NCOA2: variants seen among roughly 807,000 people sequenced by gnomAD.
NCOA2 encodes the protein nuclear receptor coactivator 2.
In NCOA2, 21 loss-of-function variants were observed where a neutral mutation model predicts 145.1. The ratio of observed to expected loss-of-function variants is 0.14; its 90% confidence interval spans 0.10 to 0.21. The LOEUF is 0.21. Among genes scored for constraint, NCOA2 ranks in the 10% least tolerant of loss-of-function variants. NCOA2 has a pLI of 1.00. For missense variants in NCOA2, 1,472 were observed against 1,837.6 expected (o/e 0.80, Z 3.64); for synonymous variants, 619 against 637.5 (o/e 0.97, Z 0.44).
intron 2 of NCOA2, among the ~76,000 whole-genome samples, chr8:70,261,092 C>T (rs377738518): frequency 1.3e-5 from 2 of 152,176 alleles, no homozygotes; most frequent in Admixed American, 6.5e-5. Flanking sequence ...CCCAGCCATC[C>T]CATTACTGGG....
chr8:70,158,696 G>A (rs1478300179), intron 10 of NCOA2, among the ~76,000 whole-genome samples: 5 of 152,112 alleles, frequency 3.3e-5, no homozygotes, highest in Admixed American at 2.6e-4. Flanking sequence ...AGGTTGCAGT[G>A]AGCTGAGATC....
chr8:70,395,202 A>C (rs530463973), intron 1 of NCOA2, among the ~76,000 whole-genome samples: 43 of 152,356 alleles, frequency 2.8e-4, no homozygotes, highest in African/African-American at 1.0e-3. Context: ...AAGATGTGCA[A>C]AGGTTCATAC....
chr8:70,448,922 A>G, the NCOA2 span, among the ~76,000 whole-genome samples: 1 of 151,578 alleles, frequency 6.6e-6, no homozygotes, highest in Non-Finnish European at 1.5e-5. Context: ...CTCCCACCTT[A>G]GTCTCCTGAG....
intron 1 of NCOA2, among the ~76,000 whole-genome samples, chr8:70,390,603 G>GAA (rs34260654): frequency 1.4e-5 from 2 of 140,000 alleles, no homozygotes; most frequent in South Asian, 2.3e-4. Context: ...TCTCTATAGA[G>GAA]AAAAAAAAAA....
chr8:70,211,769 G>A (rs1819054557), intron 4 of NCOA2, among the ~76,000 whole-genome samples: 1 of 152,172 alleles, frequency 6.6e-6, no homozygotes, highest in South Asian at 2.1e-4. Context: ...CAGAGTAGTT[G>A]AGAACTTAAA....
intron 2 of NCOA2, among the ~76,000 whole-genome samples, chr8:70,289,674 A>G (rs901460854): frequency 2.6e-5 from 4 of 152,090 alleles, no homozygotes; most frequent in African/African-American, 9.7e-5. Context: ...TACTTTTTAA[A>G]AAGTAGTGAA....
intron 1 of NCOA2, among the ~76,000 whole-genome samples, chr8:70,328,702 A>G (rs907688864): frequency 1.3e-5 from 2 of 152,160 alleles, no homozygotes; most frequent in Non-Finnish European, 2.9e-5. Context: ...CACATTAAAT[A>G]TTTTTTCATG....
At chr8:70,414,679 G>C in the NCOA2 span, among the ~76,000 whole-genome samples, 1 of 152,136 alleles carries the variant, frequency 6.6e-6, no homozygotes, top group South Asian at 2.1e-4. Flanking sequence ...GAGAATTTAG[G>C]CTCCTCGAAA....
At chr8:70,171,158 T>A (rs1585942204) in intron 5 of NCOA2, among the ~76,000 whole-genome samples, 1 of 152,298 alleles carries the variant, frequency 6.6e-6, no homozygotes, top group East Asian at 1.9e-4. Context: ...TTTGTTGTCA[T>A]CCCAACGGAG....
chr8:70,187,612 AAATT>A (rs1340019193), intron 4 of NCOA2, among the ~76,000 whole-genome samples: 70 of 152,350 alleles, frequency 4.6e-4, no homozygotes, highest in Middle Eastern at 3.4e-3. Flanking sequence ...AACTCTCAGA[AAATT>A]AATTATGATC....
chr8:70,324,090 A>G (rs914209609), intron 1 of NCOA2, among the ~76,000 whole-genome samples: 3 of 152,196 alleles, frequency 2.0e-5, no homozygotes, highest in Admixed American at 6.5e-5. Flanking sequence ...ACTGACATGT[A>G]TATGCCTAGG....
intron 1 of NCOA2, among the ~76,000 whole-genome samples, chr8:70,321,007 A>G (rs1209461398): frequency 6.6e-6 from 1 of 152,194 alleles, no homozygotes; most frequent in Non-Finnish European, 1.5e-5. Context: ...GTGACCTGTG[A>G]TCCTATTTTG....
chr8:70,365,595 T>G (rs1238447784), intron 1 of NCOA2, among the ~76,000 whole-genome samples: 1 of 152,260 alleles, frequency 6.6e-6, no homozygotes. Context: ...TACTCCCATC[T>G]TATAAACTTC....
chr8:70,147,501 C>A (rs1811235950), intron 12 of NCOA2, among the ~76,000 whole-genome samples: 1 of 152,180 alleles, frequency 6.6e-6, no homozygotes, highest in African/African-American at 2.4e-5. Flanking sequence ...GGTTATCTAT[C>A]TTTCATAAAT....
At position 70,403,757 on chromosome 8, in the gene NCOA2, C is replaced by G; in HGVS notation, c.-134G>C. 1 of 397,854 alleles carries G rather than the reference C, an allele frequency of 2.5e-6. No homozygotes were observed. The highest frequency in any genetic ancestry group is 4.4e-6 in the Non-Finnish European group (1 of 225,530). 24.6% of individuals were successfully genotyped at this position (397,854 alleles called of 1,614,324 possible). On this transcript the variant is annotated 5_prime_UTR_variant, in exon 1 of 23. Coordinates refer to ENST00000452400, the MANE Select transcript of NCOA2 (RefSeq NM_006540.4). Reference sequence around the variant, plus strand: ...CTGCCGTCGGCGCTGACCTTCGCCGCCGAAGCTGTAGCCGAGGCTGCGGCC... The same window carrying G: ...CTGCCGTCGGCGCTGACCTTCGCCGGCGAAGCTGTAGCCGAGGCTGCGGCC...
chr8:70,442,041 AAG>A, the NCOA2 span, among the ~76,000 whole-genome samples: 1 of 149,288 alleles, frequency 6.7e-6, no homozygotes, highest in Non-Finnish European at 1.5e-5. Context: ...AAGAAAGAGA[AAG>A]AGAAGAAAGG....
chr8:70,183,544 T>C (rs1815717849), intron 4 of NCOA2, among the ~76,000 whole-genome samples: 3 of 152,242 alleles, frequency 2.0e-5, no homozygotes, highest in Non-Finnish European at 2.9e-5. Flanking sequence ...TCTCCCATTA[T>C]TCCTAGCTTA....
At chr8:70,203,409 T>G (rs914056665) in intron 4 of NCOA2, among the ~76,000 whole-genome samples, 4 of 152,040 alleles carry the variant, frequency 2.6e-5, no homozygotes, top group Non-Finnish European at 1.5e-5. Context: ...AACAGATTTT[T>G]AAAATAGGAT....
At chr8:70,165,064 T>C (rs887843690) in intron 7 of NCOA2, among the ~76,000 whole-genome samples, 3 of 152,198 alleles carry the variant, frequency 2.0e-5, no homozygotes, top group African/African-American at 7.2e-5. Context: ...TACTTTTAAA[T>C]GTACAAAAAA....
Sources: allele counts gnomAD v4.1 joint callset (sites outside exome capture counted in the v4.1 genomes callset), GRCh38; gene constraint gnomAD v4.1.1; transcripts MANE v1.5; gene names NCBI Gene and HGNC (gene_info 2026-07-23, HGNC 2026-07-21).